DLGAP2: variants seen among roughly 807,000 people sequenced by gnomAD.
DLGAP2 encodes the protein DLG associated protein 2, also known as disks large-associated protein 2.
In DLGAP2, 26 loss-of-function variants were observed where a neutral mutation model predicts 100.3. That is an observed-to-expected ratio of 0.26 (90% CI 0.19 to 0.36). The LOEUF (loss-of-function observed/expected upper bound fraction) is 0.36. DLGAP2 is among the 10% of genes least tolerant of loss of function. The pLI, the probability that DLGAP2 is intolerant of heterozygous loss-of-function variation, is 1.00. For missense variants in DLGAP2, 1,858 were observed against 1,453.2 expected (o/e 1.28, Z -4.53); for synonymous variants, 886 against 630.1 (o/e 1.41, Z -6.08).
chr8:954,248 G>A (rs76598759), intron 2 of DLGAP2, among the ~76,000 whole-genome samples: 2,132 of 152,188 alleles, frequency 0.014, 18 homozygotes, highest in Middle Eastern at 0.048. Context: ...TTTTATGTGC[G>A]CAATACAGTA....
intron 1 of DLGAP2, among the ~76,000 whole-genome samples, 188 bp from the exon 2 acceptor site, chr8:907,724 C>A (rs1798409091): frequency 1.3e-5 from 2 of 152,302 alleles, no homozygotes; most frequent in South Asian, 4.1e-4. Context: ...ACCTGATTAA[C>A]CTTTTCAATG....
At chr8:957,501 T>G (rs542767615) in intron 2 of DLGAP2, among the ~76,000 whole-genome samples, 200 of 152,358 alleles carry the variant, frequency 1.3e-3, no homozygotes, top group Non-Finnish European at 2.3e-3. Context: ...ATGCTGATAT[T>G]AGGCCACTGC....
chr8:1,346,778 A>G (rs959552600), intron 3 of DLGAP2, among the ~76,000 whole-genome samples: 1 of 150,960 alleles, frequency 6.6e-6, no homozygotes, highest in African/African-American at 2.4e-5. Flanking sequence ...GTTCCTATAC[A>G]GAACTGCTTT....
At chr8:1,606,968 A>G (rs1431676911) in intron 6 of DLGAP2, among the ~76,000 whole-genome samples, 1 of 152,238 alleles carries the variant, frequency 6.6e-6, no homozygotes, top group Non-Finnish European at 1.5e-5. Context: ...TACAGGCGTG[A>G]GCCACAGCAC....
At chr8:1,026,286 C>T (rs1428230117) in intron 2 of DLGAP2, among the ~76,000 whole-genome samples, 1 of 152,218 alleles carries the variant, frequency 6.6e-6, no homozygotes, top group Non-Finnish European at 1.5e-5. Context: ...GCGCTTGCCC[C>T]ATGACCCCAA....
rs13271832 is a variant in DLGAP2 at position 1,074,016 on chromosome 8, A to C, written c.73+166050A>C. On this transcript the variant is annotated intron_variant, in intron 2 of 14. Coordinates refer to ENST00000637795, the MANE Select transcript of DLGAP2 (RefSeq NM_001346810.2). ...AACAGAAGGGTTTGCAGCAGACTGA[A>C]GCTGAACTCACCCAGGTACATATTC... Among the ~76,000 whole-genome samples the C allele has an allele frequency of 3.4e-5, 4 of 119,280 alleles. No individual in the cohort carries two copies. In the East Asian group the frequency reaches 7.5e-4, roughly 22 times the overall value. The allele number at this position is 119,280 out of a possible 152,430, so 78.3% of individuals were successfully genotyped here.
At chr8:792,027 C>T (rs1172268884) in intron 1 of DLGAP2, among the ~76,000 whole-genome samples, 1 of 152,192 alleles carries the variant, frequency 6.6e-6, no homozygotes, top group Non-Finnish European at 1.5e-5. Context: ...CTGGATGTAC[C>T]TGTACGATGT....
chr8:1,565,811 C>T lies in DLGAP2; in HGVS notation c.1359C>T (p.Ser453=), dbSNP rs775712545. The change falls in exon 6 of 15, where the codon AGC becomes AGT. Residue 453 remains serine (S), a synonymous_variant. Transcript: ENST00000637795. ...GDEESGESDS[S]PKTSPKSAIL... ...AGGAGAGCGGAGAGTCAGACTCCAG[C>T]CCCAAGACATCACCAAAGTCGGCAA... 4.3e-6 allele frequency: 7 copies of T among 1,613,666 alleles called. No individual in the cohort carries two copies. The highest frequency in any genetic ancestry group is 2.7e-5 in the African/African-American group (2 of 74,898).
intron 3 of DLGAP2, among the ~76,000 whole-genome samples, chr8:1,456,510 A>T (rs894604728): frequency 6.6e-6 from 1 of 152,222 alleles, no homozygotes; most frequent in Non-Finnish European, 1.5e-5. Flanking sequence ...AAGGATTGTG[A>T]TAATGTGGTC....
intron 8 of DLGAP2, among the ~76,000 whole-genome samples, chr8:1,656,994 T>TA (rs77885646): frequency 3.0e-3 from 452 of 152,078 alleles, no homozygotes; most frequent in African/African-American, 9.4e-3. Context: ...GGAAGACACT[T>TA]AAAAAAAATC....
intron 8 of DLGAP2, among the ~76,000 whole-genome samples, chr8:1,651,575 G>A (rs575201727): frequency 6.6e-6 from 1 of 152,284 alleles, no homozygotes; most frequent in South Asian, 2.1e-4. Context: ...CATCCCTTCT[G>A]GAATATGCCC....
At position 1,265,128 on chromosome 8, in the gene DLGAP2, A is replaced by G. The variant is rs1470996714; in HGVS notation, c.106+6245A>G. Among the ~76,000 whole-genome samples the G allele has an allele frequency of 2.6e-5, 4 of 152,202 alleles. No homozygotes were observed. The East Asian group carries it at 7.7e-4, about 29-fold the overall frequency. Reference sequence around the variant, plus strand: ...ATGGAATAGTACAGGGAATAAGAAGATACAACAGGAGAATGAACAACCAAA... The same window carrying G: ...ATGGAATAGTACAGGGAATAAGAAGGTACAACAGGAGAATGAACAACCAAA... On this transcript the variant is annotated intron_variant, in intron 3 of 14. Coordinates refer to ENST00000637795, the MANE Select transcript of DLGAP2 (RefSeq NM_001346810.2).
At chr8:1,409,898 C>A (rs1256774129) in intron 3 of DLGAP2, among the ~76,000 whole-genome samples, 1 of 152,224 alleles carries the variant, frequency 6.6e-6, no homozygotes, top group African/African-American at 2.4e-5. Flanking sequence ...ACACCTGACC[C>A]CGTGGGTCTC....
intron 2 of DLGAP2, among the ~76,000 whole-genome samples, chr8:985,918 C>T (rs958777762): frequency 1.3e-5 from 2 of 152,072 alleles, no homozygotes; most frequent in Admixed American, 6.5e-5. Context: ...CTTCCTGGGC[C>T]TCCCTCCCTG....
chr8:1,174,404 A>T (rs62488990), intron 2 of DLGAP2, among the ~76,000 whole-genome samples: 14,643 of 151,866 alleles, frequency 0.096, 847 homozygotes, highest in East Asian at 0.23. Context: ...CATTACCATC[A>T]CCAAAATCAT....
chr8:1,031,142 T>A (rs1282886736), intron 2 of DLGAP2, among the ~76,000 whole-genome samples: 1 of 152,158 alleles, frequency 6.6e-6, no homozygotes, highest in South Asian at 2.1e-4. Flanking sequence ...CACTTTCCAA[T>A]TTTGTTTTTG....
At chr8:1,197,992 T>C (rs1797789152) in intron 2 of DLGAP2, among the ~76,000 whole-genome samples, 1 of 152,120 alleles carries the variant, frequency 6.6e-6, no homozygotes, top group South Asian at 2.1e-4. Context: ...ATGAGTGACC[T>C]TTGAGGAGTA....
At chr8:814,323 G>T (rs1585892379) in intron 1 of DLGAP2, among the ~76,000 whole-genome samples, 1 of 152,136 alleles carries the variant, frequency 6.6e-6, no homozygotes, top group African/African-American at 2.4e-5. Context: ...CACTAGTTTA[G>T]CTCTTAGAAC....
At chr8:1,603,856 G>A (rs1016576688) in intron 6 of DLGAP2, among the ~76,000 whole-genome samples, 16 of 152,094 alleles carry the variant, frequency 1.1e-4, no homozygotes, top group Non-Finnish European at 1.5e-4. Flanking sequence ...GGAGACCACC[G>A]TTCAATATTT....
Sources: gnomAD v4.1 joint callset for allele counts (sites outside exome capture counted in the v4.1 genomes callset) on GRCh38, gnomAD v4.1.1 for gene constraint, MANE v1.5 for transcripts, NCBI Gene and HGNC (gene_info 2026-07-23, HGNC 2026-07-21) for gene names.